The following ADCY5 variants were observed in gnomAD, a reference collection of about 807,000 sequenced individuals.
ADCY5 encodes adenylate cyclase 5.
In ADCY5, 30 loss-of-function variants were observed where a neutral mutation model predicts 119.7. The observed-to-expected ratio is 0.25, with a 90% CI of 0.19 to 0.34. The LOEUF is 0.34. ADCY5 is among the 10% of genes least tolerant of loss of function. ADCY5 has a pLI of 1.00. For missense variants in ADCY5, 1,324 were observed against 1,775.2 expected, an observed-to-expected ratio of 0.75 and a Z score of 4.57; for synonymous variants, 753 against 762.2, an observed-to-expected ratio of 0.99 and a Z score of 0.20.
Position 123,291,110 on chromosome 3 carries a change from C to T in ADCY5, c.3327+3G>A, listed in dbSNP as rs768962686. ...ACAGCCTGACCCAGGCCCCGCTGTG[C>T]ACCTCATCAAAGTCAGCGATGATCT... On this transcript the variant is annotated splice_donor_region_variant and intron_variant, in intron 18 of 20. Transcript: ENST00000462833. 4 of 1,610,112 alleles carry T rather than the reference C, an allele frequency of 2.5e-6. No homozygotes were observed. In the East Asian group the frequency reaches 8.9e-5, roughly 36 times the overall value.
chr3:123,331,254 T>C (rs1941749192), intron 4 of ADCY5, among the ~76,000 whole-genome samples: 1 of 152,106 alleles, frequency 6.6e-6, no homozygotes, highest in African/African-American at 2.4e-5. Context: ...GCATTCCAGC[T>C]CCCAGACTCA....
intron 3 of ADCY5, among the ~76,000 whole-genome samples, chr3:123,334,949 T>C (rs1025841021): frequency 1.3e-5 from 2 of 152,306 alleles, no homozygotes; most frequent in African/African-American, 4.8e-5. Flanking sequence ...CCTGTCTTTA[T>C]ATTCCCATGC....
At chr3:123,437,329 G>A (rs776662561) in intron 1 of ADCY5, among the ~76,000 whole-genome samples, 6 of 152,214 alleles carry the variant, frequency 3.9e-5, no homozygotes, top group Non-Finnish European at 8.8e-5. Context: ...CTATCAGCAG[G>A]CCCCAAGGTT....
intron 1 of ADCY5, among the ~76,000 whole-genome samples, chr3:123,407,081 C>A (rs1418732418): frequency 7.9e-5 from 12 of 152,166 alleles, no homozygotes; most frequent in Non-Finnish European, 1.5e-5. Flanking sequence ...CTCCTCTATT[C>A]TAGGAACGTG....
intron 12 of ADCY5, among the ~76,000 whole-genome samples, chr3:123,308,060 G>A (rs1430761569): frequency 7.9e-5 from 9 of 113,842 alleles, no homozygotes; most frequent in Non-Finnish European, 1.2e-4. Context: ...TTGAGACAGA[G>A]TCTCGCTCTG....
At chr3:123,369,665 G>T (rs1943565700) in intron 1 of ADCY5, among the ~76,000 whole-genome samples, 1 of 152,240 alleles carries the variant, frequency 6.6e-6, no homozygotes, top group South Asian at 2.1e-4. Flanking sequence ...GAGTCTCTTG[G>T]AAAGGCCTGG....
intron 3 of ADCY5, among the ~76,000 whole-genome samples, chr3:123,341,089 T>C (rs1027885111): frequency 4.6e-5 from 7 of 151,764 alleles, no homozygotes; most frequent in African/African-American, 1.7e-4. Flanking sequence ...CATGCCACTG[T>C]ACTCCAGCCT....
At chr3:123,390,666 G>A (rs944589706) in intron 1 of ADCY5, among the ~76,000 whole-genome samples, 1 of 152,228 alleles carries the variant, frequency 6.6e-6, no homozygotes, top group African/African-American at 2.4e-5. Context: ...CCTGGGGCGT[G>A]GCAGATGTGA....
rs1230462856 is a variant in ADCY5 at position 123,330,940 on chromosome 3, T to C, written c.1595A>G (p.Asp532Gly). The C allele has an allele frequency of 1.9e-6, 3 of 1,613,998 alleles. No individual in the cohort carries two copies. Among genetic ancestry groups the C allele is most frequent in the Non-Finnish European group, 2.5e-6 (3 of 1,179,936 alleles). The change falls in exon 5 of 21, where the codon GAC (aspartate) becomes GGC (glycine). Residue 532 changes from aspartate to glycine, a missense_variant. Transcript: ENST00000462833. ...CVSGLPEARA[D>G]HAHCCVEMGM... ...CATCTCCACACAGCAGTGGGCGTGG[T>C]CAGCCCTTGCTTCAGGCAGCCCCGA...
At chr3:123,444,849 T>C (rs1406810820) in intron 1 of ADCY5, among the ~76,000 whole-genome samples, 8 of 152,168 alleles carry the variant, frequency 5.3e-5, no homozygotes, top group Non-Finnish European at 4.4e-5. Flanking sequence ...TTGCCACCCA[T>C]TTCCCTGGAC....
intron 1 of ADCY5, among the ~76,000 whole-genome samples, chr3:123,353,504 G>T (rs1166923802): frequency 6.6e-6 from 1 of 152,160 alleles, no homozygotes; most frequent in Admixed American, 6.5e-5. Flanking sequence ...ACACAATGAT[G>T]CTCCGGCTCC....
intron 4 of ADCY5, among the ~76,000 whole-genome samples, chr3:123,332,233 A>C (rs1941797314): frequency 6.6e-6 from 1 of 152,176 alleles, no homozygotes; most frequent in Non-Finnish European, 1.5e-5. Context: ...CCAGACAAAC[A>C]GCTTATTCCC....
chr3:123,302,966 C>T (rs1430441278), intron 14 of ADCY5, 89 bp downstream of exon 14: 15 of 1,488,052 alleles, frequency 1.0e-5, no homozygotes, highest in South Asian at 5.0e-5. Context: ...GAGACCCTGT[C>T]CTTCAGACTG....
intron 1 of ADCY5, among the ~76,000 whole-genome samples, chr3:123,426,382 G>A (rs953598718): frequency 6.7e-6 from 1 of 150,160 alleles, no homozygotes; most frequent in African/African-American, 2.5e-5. Context: ...GGAGTGCAGT[G>A]GTGTGGTCTT....
chr3:123,365,057 C>G (rs1943385767), intron 1 of ADCY5, among the ~76,000 whole-genome samples: 1 of 152,140 alleles, frequency 6.6e-6, no homozygotes, highest in East Asian at 1.9e-4. Context: ...TGTCAGCCTC[C>G]CGAGTAGCTG....
At chr3:123,447,250 TCA>T (rs1559882328) in intron 1 of ADCY5, among the ~76,000 whole-genome samples, 160 bp downstream of exon 1, 1 of 152,166 alleles carries the variant, frequency 6.6e-6, no homozygotes, top group Non-Finnish European at 1.5e-5. Flanking sequence ...CCGCTGGGGC[TCA>T]GAGTGGGGTA....
chr3:123,304,996 C>T (rs1940122635), intron 12 of ADCY5, among the ~76,000 whole-genome samples: 1 of 152,168 alleles, frequency 6.6e-6, no homozygotes, highest in African/African-American at 2.4e-5. Context: ...GCCCCCAACA[C>T]TTCCTGCTGA....
intron 1 of ADCY5, among the ~76,000 whole-genome samples, chr3:123,425,734 G>A (rs1945393843): frequency 1.0e-5 from 1 of 99,040 alleles, no homozygotes; most frequent in African/African-American, 3.8e-5. Flanking sequence ...ACTCACCCCA[G>A]GGAGCCCTGG....
chr3:123,299,312 G>A (rs573436242), intron 15 of ADCY5, among the ~76,000 whole-genome samples: 10 of 152,238 alleles, frequency 6.6e-5, no homozygotes, highest in South Asian at 6.2e-4. Context: ...CTTCCTGGCC[G>A]ATCCTCACAT....
Sources: allele counts gnomAD v4.1 joint callset (sites outside exome capture counted in the v4.1 genomes callset), GRCh38; gene constraint gnomAD v4.1.1; transcripts MANE v1.5; gene names NCBI Gene and HGNC (gene_info 2026-07-23, HGNC 2026-07-21).